Variants in CSMD1 observed in about 807,000 individuals in gnomAD.
The protein encoded by CSMD1 is CUB and Sushi multiple domains 1, also known as CUB and sushi domain-containing protein 1.
Under a neutral mutation model 417.5 loss-of-function variants are expected in CSMD1, and 213 were observed. That is an observed-to-expected ratio of 0.51 (90% CI 0.46 to 0.57). The LOEUF (loss-of-function observed/expected upper bound fraction) is 0.57. Among genes scored for constraint, CSMD1 ranks in the 20% least tolerant of loss-of-function variants. The probability of loss-of-function intolerance (pLI) is 0.00; values close to 1 mark genes in which losing one functional copy is unlikely to be tolerated. For missense variants in CSMD1, 6,923 were observed against 4,529.7 expected, an observed-to-expected ratio of 1.53 and a Z score of -15.17; for synonymous variants, 2,862 against 1,736.8, an observed-to-expected ratio of 1.65 and a Z score of -16.11.
intron 3 of CSMD1, among the ~76,000 whole-genome samples, chr8:4,332,924 A>T (rs570776860): frequency 7.0e-6 from 1 of 143,608 alleles, no homozygotes; most frequent in African/African-American, 2.7e-5. Context: ...TTACTATCAC[A>T]TTTTTTTCTT....
intron 12 of CSMD1, among the ~76,000 whole-genome samples, chr8:3,464,999 A>G (rs1002358009): frequency 4.6e-5 from 7 of 152,300 alleles, no homozygotes; most frequent in Admixed American, 3.9e-4. Flanking sequence ...TAATAGCTAT[A>G]GATAATACAC....
rs528530540 is a variant in CSMD1, at chr8:3,809,568, G to A, written c.819-55526C>T. Among the ~76,000 whole-genome samples the A allele has an allele frequency of 2.0e-5, 3 of 152,252 alleles. 1 individual carries two copies. The South Asian group carries it at 6.2e-4, about 32-fold the overall frequency. Reference sequence around the variant, plus strand: ...GCCATGCATCGGATTCACTGGGAGAGCTTGTGAAAGTGTAGATAGTTGGCC... The same window carrying A: ...GCCATGCATCGGATTCACTGGGAGAACTTGTGAAAGTGTAGATAGTTGGCC... On this transcript the variant is annotated intron_variant, in intron 5 of 69. Coordinates refer to ENST00000635120, the MANE Select transcript of CSMD1 (RefSeq NM_033225.6).
At chr8:3,964,403 A>G (rs1013377688) in intron 5 of CSMD1, among the ~76,000 whole-genome samples, 3 of 152,182 alleles carry the variant, frequency 2.0e-5, no homozygotes, top group Non-Finnish European at 4.4e-5. Context: ...ATAATTTAGC[A>G]TAGCTCCTGT....
At chr8:3,097,426 C>T (rs1227492630) in intron 46 of CSMD1, among the ~76,000 whole-genome samples, 4 of 150,490 alleles carry the variant, frequency 2.7e-5, no homozygotes, top group Non-Finnish European at 4.5e-5. Flanking sequence ...GAAAAGAAAA[C>T]TCATATTTAT....
At chr8:3,601,447 T>G (rs566373598) in intron 8 of CSMD1, among the ~76,000 whole-genome samples, 1 of 152,300 alleles carries the variant, frequency 6.6e-6, no homozygotes, top group African/African-American at 2.4e-5. Context: ...CCATCTGTAT[T>G]TAGTCACCTA....
At chr8:3,407,576 T>G (rs1050723111) in intron 14 of CSMD1, among the ~76,000 whole-genome samples, 2 of 151,336 alleles carry the variant, frequency 1.3e-5, no homozygotes, top group South Asian at 4.2e-4. Context: ...GTTTGGTGGG[T>G]GCATGGATGG....
At chr8:3,096,761 T>C (rs2129010843) in intron 47 of CSMD1, 88 bp downstream of exon 47, 2 of 894,866 alleles carry the variant, frequency 2.2e-6, no homozygotes, top group East Asian at 2.7e-5. Context: ...CAAGAATATA[T>C]TCCAGTCTTT....
chr8:4,854,631 T>C (rs925395325), intron 1 of CSMD1, among the ~76,000 whole-genome samples: 1 of 152,086 alleles, frequency 6.6e-6, no homozygotes, highest in Admixed American at 6.5e-5. Flanking sequence ...GTTCCCTTTC[T>C]GAGTCAAAGA....
At chr8:3,221,984 G>T (rs1334967565) in intron 28 of CSMD1, among the ~76,000 whole-genome samples, 1 of 151,968 alleles carries the variant, frequency 6.6e-6, no homozygotes, top group Non-Finnish European at 1.5e-5. Context: ...CTCCTGCTTG[G>T]GAAGCTGGAC....
chr8:3,212,502 C>T (rs1797669671), intron 30 of CSMD1, among the ~76,000 whole-genome samples: 1 of 152,094 alleles, frequency 6.6e-6, no homozygotes, highest in East Asian at 1.9e-4. Context: ...GCATGAGCCA[C>T]CACATCCAGC....
At chr8:4,059,623 C>T (rs539697758) in intron 3 of CSMD1, among the ~76,000 whole-genome samples, 1 of 152,018 alleles carries the variant, frequency 6.6e-6, no homozygotes, top group Non-Finnish European at 1.5e-5. Context: ...CACCACCGAT[C>T]CCACAGAAAT....
chr8:3,690,311 G>A (rs559615673), intron 7 of CSMD1, among the ~76,000 whole-genome samples: 180 of 152,322 alleles, frequency 1.2e-3, no homozygotes, highest in African/African-American at 2.7e-3. Context: ...ACCGAAGATC[G>A]CACCACTGCA....
rs767668610 is a variant in CSMD1 at position 3,817,252 on chromosome 8, C to CTTTTTTTTTTTTTTTTTTTTTTTTTTT, written c.819-63237_819-63211dup. On this transcript the variant is annotated intron_variant, in intron 5 of 69. Transcript: ENST00000635120. ...TCCAAAGTGGTCATATCTTCTTCTTCTTTTTTTTTTTTTTTTTTTTTTTTT... is the reference window on the plus strand; with the variant it reads ...TCCAAAGTGGTCATATCTTCTTCTTCTTTTTTTTTTTTTTTTTTTTTTTTTTTTTTTTTTTTTTTTTTTTTTTTTTTT... Among the ~76,000 whole-genome samples, 2 of 54,390 alleles carry CTTTTTTTTTTTTTTTTTTTTTTTTTTT rather than the reference C, an allele frequency of 3.7e-5. 1 individual carries two copies. Among genetic ancestry groups the CTTTTTTTTTTTTTTTTTTTTTTTTTTT allele is most frequent in the Non-Finnish European group, 6.9e-5 (2 of 29,154 alleles). 35.7% of individuals were successfully genotyped at this position (54,390 alleles called of 152,430 possible).
intron 3 of CSMD1, among the ~76,000 whole-genome samples, chr8:4,159,034 G>A (rs1796996303): frequency 1.3e-5 from 2 of 152,082 alleles, no homozygotes; most frequent in East Asian, 3.9e-4. Context: ...TCCTGCCTCA[G>A]CCTCCATAGT....
intron 1 of CSMD1, among the ~76,000 whole-genome samples, chr8:4,822,397 T>A (rs114571072): frequency 6.6e-6 from 1 of 152,056 alleles, no homozygotes; most frequent in African/African-American, 2.4e-5. Flanking sequence ...CTGGCCTAGT[T>A]TGATGATTTT....
At chr8:4,426,549 G>A (rs776745465) in intron 2 of CSMD1, among the ~76,000 whole-genome samples, 10 of 146,088 alleles carry the variant, frequency 6.8e-5, no homozygotes, top group South Asian at 4.3e-4. Context: ...TAATATATAG[G>A]ATATTTACTA....
intron 50 of CSMD1, among the ~76,000 whole-genome samples, chr8:3,052,149 C>T (rs1448797779): frequency 6.6e-6 from 1 of 152,124 alleles, no homozygotes; most frequent in Non-Finnish European, 1.5e-5. Flanking sequence ...GGCTTAATGT[C>T]TCAATTTCCT....
intron 6 of CSMD1, among the ~76,000 whole-genome samples, chr8:3,734,929 A>C (rs937261264): frequency 6.6e-6 from 1 of 152,102 alleles, no homozygotes. Flanking sequence ...CTCTTCTTTT[A>C]CTTCATCCAA....
In CSMD1 at chr8:4,681,108, T is replaced by G. The variant is rs554190813; in HGVS notation, c.86-43550A>C. On this transcript the variant is annotated intron_variant, in intron 1 of 69. Coordinates refer to ENST00000635120, the MANE Select transcript of CSMD1 (RefSeq NM_033225.6). Reference sequence around the variant, plus strand: ...GAAAAATAATTAATGTCTCTCCTGATTAACGAAGATGAAAGCAAACAATTT... The same window carrying G: ...GAAAAATAATTAATGTCTCTCCTGAGTAACGAAGATGAAAGCAAACAATTT... Among the ~76,000 whole-genome samples the G allele has an allele frequency of 2.5e-4, 38 of 152,230 alleles. No homozygotes were observed. In the South Asian group the frequency reaches 7.3e-3, roughly 29 times the overall value.
Sources: allele counts gnomAD v4.1 joint callset (sites outside exome capture counted in the v4.1 genomes callset), GRCh38; gene constraint gnomAD v4.1.1; transcripts MANE v1.5; gene names NCBI Gene and HGNC (gene_info 2026-07-23, HGNC 2026-07-21).